The following SLC35F1 variants were observed in gnomAD, a reference collection of about 807,000 sequenced individuals.
SLC35F1 encodes the protein chromosome 6 open reading frame 169.
Under a neutral mutation model 48.7 loss-of-function variants are expected in SLC35F1, and 14 were observed. The ratio of observed to expected loss-of-function variants is 0.29; its 90% CI spans 0.19 to 0.45. SLC35F1 has a LOEUF of 0.45. Ranked by LOEUF, SLC35F1 falls within the 20% of genes least tolerant of loss-of-function variation. The pLI is 1.00. For synonymous variants in SLC35F1, 190 were observed against 202.2 expected (o/e 0.94, Z 0.51); for missense variants, 404 against 500.0 (o/e 0.81, Z 1.83).
At chr6:118,085,188 G>T (rs774770104) in intron 1 of SLC35F1, among the ~76,000 whole-genome samples, 5 of 152,082 alleles carry the variant, frequency 3.3e-5, no homozygotes, top group African/African-American at 4.8e-5. Flanking sequence ...CGTCAAAAGG[G>T]TCCTAAGGAA....
In SLC35F1 at chr6:118,315,433, CTTTTTTTTTTT is replaced by C. The variant is rs11293041; in HGVS notation, c.*1195_*1205del. 5 of 78,918 alleles carry C rather than the reference CTTTTTTTTTTT, an allele frequency of 6.3e-5. No individual in the cohort carries two copies. The highest frequency in any genetic ancestry group is 1.8e-4 in the Admixed American group (1 of 5,628). The allele number at this position is 78,918 out of a possible 1,614,324, so 4.9% of individuals were successfully genotyped here. A position where few individuals can be genotyped will look rare whatever the true frequency, so the allele number is the denominator to read the frequency against. ...ATAACAGATATATTGACACGACATT[CTTTTTTTTTTT>C]TTTTTTTTTTTTTGAGACGGAGTCT... On this transcript the variant is annotated 3_prime_UTR_variant, in exon 8 of 8. Transcript: ENST00000360388.
chr6:118,087,278 C>T (rs557924078), intron 1 of SLC35F1, among the ~76,000 whole-genome samples: 3 of 152,126 alleles, frequency 2.0e-5, no homozygotes, highest in South Asian at 2.1e-4. Flanking sequence ...TGAGGACACC[C>T]GTCATATTGG....
At chr6:118,238,030 C>T (rs530952919) in intron 3 of SLC35F1, among the ~76,000 whole-genome samples, 2 of 152,288 alleles carry the variant, frequency 1.3e-5, no homozygotes, top group South Asian at 2.1e-4. Flanking sequence ...TCCACCTCCC[C>T]TCTTCCTTTC....
intron 2 of SLC35F1, among the ~76,000 whole-genome samples, chr6:118,227,866 G>A (rs1184544804): frequency 2.6e-5 from 4 of 152,146 alleles, no homozygotes; most frequent in Non-Finnish European, 5.9e-5. Flanking sequence ...TTGGGTGAGA[G>A]GGGAACAAAA....
chr6:117,962,954 C>T (rs1253936022), intron 1 of SLC35F1, among the ~76,000 whole-genome samples: 1 of 152,106 alleles, frequency 6.6e-6, no homozygotes, highest in African/African-American at 2.4e-5. Context: ...TCACTTCCTA[C>T]CTCTGTGATC....
chr6:118,022,346 G>C (rs1777405799), intron 1 of SLC35F1, among the ~76,000 whole-genome samples: 1 of 152,186 alleles, frequency 6.6e-6, no homozygotes, highest in Non-Finnish European at 1.5e-5. Flanking sequence ...CATGTGAACA[G>C]ACTCAAAATC....
At chr6:117,924,624 G>T (rs1027226915) in intron 1 of SLC35F1, among the ~76,000 whole-genome samples, 1 of 150,414 alleles carries the variant, frequency 6.6e-6, no homozygotes, top group Non-Finnish European at 1.5e-5. Context: ...AAACACAAAT[G>T]TAACACCTTG....
At position 118,021,385 on chromosome 6, in the gene SLC35F1, G is replaced by C. The variant is rs1477257520; in HGVS notation, c.173+113486G>C. Among the ~76,000 whole-genome samples the C allele has an allele frequency of 2.0e-5, 3 of 152,246 alleles. No homozygotes were observed. The East Asian group carries it at 5.8e-4, about 29-fold the overall frequency. ...GGTTAGGCATAGAGGAATTTCTTCA[G>C]ACACCAATACAGAGCATCCTAAGTG... is the stretch of plus-strand genomic sequence containing the variant. On this transcript the variant is annotated intron_variant, in intron 1 of 7. Coordinates refer to ENST00000360388, the MANE Select transcript of SLC35F1 (RefSeq NM_001029858.4).
Position 118,314,057 on chromosome 6 carries a change from C to T in SLC35F1, c.1032C>T (p.Phe344=). The part of the protein sequence containing the change: ...KFSGLYLLSF[F]TILIGLVLYS... ...CAGGACTTTATCTCCTGTCTTTCTT[C>T]ACCATCCTCATTGGGCTGGTGCTCT... Residue 344 remains phenylalanine, a synonymous_variant, in exon 8 of 8, where the codon TTC becomes TTT. Coordinates refer to ENST00000360388, the MANE Select transcript of SLC35F1 (RefSeq NM_001029858.4). 1.9e-6 allele frequency: 3 copies of T among 1,614,190 alleles called. 1 individual carries two copies. Among genetic ancestry groups the T allele is most frequent in the South Asian group, 2.2e-5 (2 of 91,082 alleles).
chr6:118,178,855 A>G (rs1425241396), intron 2 of SLC35F1, among the ~76,000 whole-genome samples: 1 of 152,114 alleles, frequency 6.6e-6, no homozygotes, highest in Non-Finnish European at 1.5e-5. Flanking sequence ...TCAAAACTAA[A>G]CTTAGATAAT....
chr6:117,972,454 C>T (rs1776654174), intron 1 of SLC35F1, among the ~76,000 whole-genome samples: 1 of 152,108 alleles, frequency 6.6e-6, no homozygotes, highest in Non-Finnish European at 1.5e-5. Flanking sequence ...CTCTGCAGTA[C>T]CAATTTACCA....
intron 1 of SLC35F1, among the ~76,000 whole-genome samples, chr6:118,082,345 A>C (rs1772923319): frequency 6.6e-6 from 1 of 152,232 alleles, no homozygotes; most frequent in South Asian, 2.1e-4. Flanking sequence ...ACTTATTATA[A>C]GATACTGATA....
intron 2 of SLC35F1, among the ~76,000 whole-genome samples, chr6:118,171,228 T>C (rs539806487): frequency 1.3e-5 from 2 of 151,962 alleles, no homozygotes; most frequent in Non-Finnish European, 2.9e-5. Context: ...GTAGAGACAG[T>C]GGGGTTTTGC....
intron 1 of SLC35F1, among the ~76,000 whole-genome samples, chr6:118,150,112 G>A (rs1774033630): frequency 6.6e-6 from 1 of 152,122 alleles, no homozygotes; most frequent in Admixed American, 6.5e-5. Context: ...ACTTCTCTAA[G>A]CATCAGTTAA....
chr6:118,221,452 G>A (rs1582737118), intron 2 of SLC35F1, among the ~76,000 whole-genome samples: 1 of 152,232 alleles, frequency 6.6e-6, no homozygotes, highest in East Asian at 1.9e-4. Context: ...TAAGGACATG[G>A]AAGTAATAGA....
intron 1 of SLC35F1, among the ~76,000 whole-genome samples, chr6:117,923,456 G>A (rs1473617189): frequency 6.8e-6 from 1 of 146,974 alleles, no homozygotes; most frequent in Non-Finnish European, 1.5e-5. Flanking sequence ...TTTCTGTACT[G>A]GAATAGAATG....
intron 3 of SLC35F1, 57 bp downstream of exon 3, chr6:118,235,693 C>A: frequency 6.4e-7 from 1 of 1,569,570 alleles, no homozygotes. Context: ...AGTTTACTTT[C>A]AGTTTAGTCC....
intron 1 of SLC35F1, among the ~76,000 whole-genome samples, chr6:118,152,494 A>G (rs1262819333): frequency 1.3e-5 from 2 of 152,202 alleles, no homozygotes; most frequent in Non-Finnish European, 2.9e-5. Context: ...TCTCTGCTCC[A>G]TGGTGGCATA....
intron 1 of SLC35F1, among the ~76,000 whole-genome samples, chr6:118,076,595 A>G (rs1000601127): frequency 6.6e-6 from 1 of 152,184 alleles, no homozygotes; most frequent in Non-Finnish European, 1.5e-5. Context: ...CTCTATCACA[A>G]GAACAGCAAG....
Sources: gnomAD v4.1 joint callset for allele counts (sites outside exome capture counted in the v4.1 genomes callset) on GRCh38, gnomAD v4.1.1 for gene constraint, MANE v1.5 for transcripts, NCBI Gene and HGNC (gene_info 2026-07-23, HGNC 2026-07-21) for gene names.